The following PCLO variants were observed in gnomAD, a reference collection of about 807,000 sequenced individuals.
PCLO encodes the protein piccolo presynaptic cytomatrix protein.
PCLO carries 82 observed loss-of-function variants against 427.5 expected under a neutral mutation model. The observed-to-expected ratio is 0.19, with a 90% CI of 0.16 to 0.23. PCLO has a LOEUF of 0.23. Ranked by LOEUF, PCLO falls within the 10% of genes least tolerant of loss-of-function variation. PCLO has a pLI of 1.00. For missense variants in PCLO, 6,239 were observed against 6,115.9 expected (o/e 1.02, Z -0.67); for synonymous variants, 2,357 against 2,155.4 (o/e 1.09, Z -2.59).
rs375040816 is a variant in PCLO at position 83,058,502 on chromosome 7, T to C, written c.3300+75748A>G. Among the ~76,000 whole-genome samples, 105 of 152,330 alleles carry C rather than the reference T, an allele frequency of 6.9e-4. 1 individual carries two copies. In the South Asian group the frequency reaches 0.021, roughly 31 times the overall value. The stretch of plus-strand genomic sequence containing the variant: ...AACTATAGACAACAGTAAAATTCTA[T>C]AAATTGTTATGCAATATAACTACCA... On this transcript the variant is annotated intron_variant, in intron 3 of 24. Transcript: ENST00000333891.
intron 3 of PCLO, among the ~76,000 whole-genome samples, chr7:83,007,188 C>T (rs1293732851): frequency 6.6e-6 from 1 of 151,232 alleles, no homozygotes; most frequent in East Asian, 1.9e-4. Context: ...AAAAATTCTC[C>T]AACAGAAAAA....
Position 82,949,501 on chromosome 7 carries a change from G to A in PCLO, c.11087C>T (p.Pro3696Leu). 6.2e-7 allele frequency: 1 copy of A among 1,608,430 alleles called. No individual in the cohort carries two copies. Among genetic ancestry groups the A allele is most frequent in the Non-Finnish European group, 8.5e-7 (1 of 1,177,396 alleles). ...CGTATAGCCCTCGGTATACTGAAAA[G>A]GAGCCCTGGAACTTTCGTCTGCTGT... ...SPTADESSRA[P>L]FQYTEGYTTK... Residue 3696 changes from proline (P) to leucine (L), a missense_variant, in exon 6 of 25, where the codon CCT becomes CTT. Physicochemically the swap from Pro to Leu is moderately conservative, Grantham distance 98. Around this residue, in one of 5 missense-constraint regions of PCLO, gnomAD observed 4,677 missense variants for 4,468.4 expected, o/e 1.05. Transcript: ENST00000333891.
chr7:83,088,001 C>T (rs749134340), intron 3 of PCLO, among the ~76,000 whole-genome samples: 29 of 151,950 alleles, frequency 1.9e-4, no homozygotes, highest in Non-Finnish European at 3.4e-4. Context: ...AAAATATAAT[C>T]GATAAAATGT....
Position 82,915,903 on chromosome 7 carries a change from C to G in PCLO, c.12083G>C (p.Ser4028Thr). ...RSSMASSPISSISADSFYADI... is the reference protein window; with the variant it reads ...RSSMASSPISTISADSFYADI... ...TGCATAGAAAGAATCTGCAGATATG[C>G]TTGATATTGGACTGCTTGCCATGCT... is the stretch of plus-strand genomic sequence containing the variant. Residue 4028 changes from serine to threonine, a missense_variant, in exon 7 of 25, where the codon AGC becomes ACC. Ser to Thr is a moderately conservative substitution (Grantham distance 58). Around this residue, in one of 5 missense-constraint regions of PCLO, gnomAD observed 680 missense variants for 677.3 expected, o/e 1.00. Transcript: ENST00000333891. 4.3e-6 allele frequency: 7 copies of G among 1,613,388 alleles called. No homozygotes were observed. Among genetic ancestry groups the G allele is most frequent in the Non-Finnish European group, 5.9e-6 (7 of 1,179,756 alleles).
intron 3 of PCLO, among the ~76,000 whole-genome samples, chr7:83,109,485 C>T (rs17157193): frequency 8.6e-4 from 131 of 152,232 alleles, no homozygotes; most frequent in African/African-American, 3.1e-3. Flanking sequence ...ATCTCTCTGA[C>T]CTTGATATTA....
At chr7:82,832,754 G>A (rs902521210) in intron 16 of PCLO, among the ~76,000 whole-genome samples, 1 of 149,180 alleles carries the variant, frequency 6.7e-6, no homozygotes, top group African/African-American at 2.5e-5. Context: ...AACATTGAAA[G>A]TATTCATTTT....
chr7:82,926,282 G>T (rs1794710797), intron 6 of PCLO, among the ~76,000 whole-genome samples: 1 of 152,068 alleles, frequency 6.6e-6, no homozygotes, highest in Admixed American at 6.6e-5. Flanking sequence ...ATGGGTCTAT[G>T]TTTGAGGTAT....
Position 82,841,487 on chromosome 7 carries a change from A to G in PCLO, c.14069T>C (p.Val4690Ala), listed in dbSNP as rs1792364029. ...SSKPTDGTKV[V>A]SHPITGEIQL... ...AATTTCTCCTGTAATTGGATGAGAG[A>G]CAACCTTTGTTCCATCGGTAGGCTG... The change falls in exon 14 of 25, where the codon GTC becomes GCC. Residue 4690 changes from valine to alanine, a missense_variant. Val to Ala is a moderately conservative substitution (Grantham distance 64). Around this residue, in one of 5 missense-constraint regions of PCLO, gnomAD observed 877 missense variants for 925.5 expected, o/e 0.95. Transcript: ENST00000333891. The G allele has an allele frequency of 6.3e-7, 1 of 1,597,280 alleles. No individual in the cohort carries two copies. Among genetic ancestry groups the G allele is most frequent in the Non-Finnish European group, 8.6e-7 (1 of 1,165,580 alleles).
chr7:82,990,209 C>T (rs1005027692), intron 3 of PCLO, among the ~76,000 whole-genome samples: 44 of 152,148 alleles, frequency 2.9e-4, no homozygotes, highest in Admixed American at 2.6e-4. Flanking sequence ...TATTGAGGAT[C>T]TAGCAGAGTT....
chr7:83,032,840 G>GT (rs1465827430), intron 3 of PCLO, among the ~76,000 whole-genome samples: 4 of 152,072 alleles, frequency 2.6e-5, no homozygotes, highest in Non-Finnish European at 2.9e-5. Context: ...ATGCAGGTGG[G>GT]TGACAATGAA....
intron 3 of PCLO, among the ~76,000 whole-genome samples, chr7:83,087,035 A>G (rs1382886846): frequency 7.9e-6 from 1 of 126,102 alleles, no homozygotes; most frequent in African/African-American, 3.1e-5. Flanking sequence ...ACTTGGACAC[A>G]GGAAGGGGAA....
chr7:82,892,347 A>G (rs1056166265), intron 9 of PCLO, among the ~76,000 whole-genome samples: 1 of 152,204 alleles, frequency 6.6e-6, no homozygotes, highest in Non-Finnish European at 1.5e-5. Context: ...TATTTAATAA[A>G]TAGTGCTGGG....
chr7:83,026,310 C>T (rs985228179), intron 3 of PCLO, among the ~76,000 whole-genome samples: 4 of 152,046 alleles, frequency 2.6e-5, no homozygotes, highest in Non-Finnish European at 5.9e-5. Context: ...CAATCCCAGT[C>T]TCTGATAAAA....
At chr7:82,949,256 T>TAC (rs369915572) in intron 6 of PCLO, among the ~76,000 whole-genome samples, 6,033 of 149,774 alleles carry the variant, frequency 0.04, 391 homozygotes, top group African/African-American at 0.14. Flanking sequence ...TATGGTTTCC[T>TAC]ACACACACAC....
intron 7 of PCLO, among the ~76,000 whole-genome samples, chr7:82,909,632 T>C (rs1794274467): frequency 6.6e-6 from 1 of 152,138 alleles, no homozygotes; most frequent in Admixed American, 6.6e-5. Context: ...TTGCTGGCTT[T>C]AACATTATTT....
chr7:82,989,932 G>T (rs6415392), intron 3 of PCLO, among the ~76,000 whole-genome samples: 113,823 of 152,080 alleles, frequency 0.75, 43,229 homozygotes, highest in East Asian at 0.92. Flanking sequence ...GCATCACATA[G>T]GGAGTACTTC....
chr7:82,849,202 T>G (rs1414229153), intron 10 of PCLO, among the ~76,000 whole-genome samples: 1 of 152,054 alleles, frequency 6.6e-6, no homozygotes, highest in Non-Finnish European at 1.5e-5. Context: ...CATCCCAAAA[T>G]AAAAGGGCAA....
chr7:82,805,815 G>A lies in PCLO; in HGVS notation c.14806C>T (p.His4936Tyr). Residue 4936 changes from histidine to tyrosine, a missense_variant, in exon 21 of 25, where the codon CAC becomes TAC. Around this residue, in one of 5 missense-constraint regions of PCLO, gnomAD observed 877 missense variants for 925.5 expected, o/e 0.95. Coordinates refer to ENST00000333891, the MANE Select transcript of PCLO (RefSeq NM_033026.6). ...LRIQPTKPPN[H>Y]RPAESSVSTG... ...GACACAGAGCTTTCTGCAGGCCGGT[G>A]ATTGGGAGGCTTTGCTGCATGGTGT... is the stretch of plus-strand genomic sequence containing the variant. 6.2e-7 allele frequency: 1 copy of A among 1,603,408 alleles called. No homozygotes were observed. Among genetic ancestry groups the A allele is most frequent in the Non-Finnish European group, 8.5e-7 (1 of 1,174,786 alleles).
At chr7:82,855,706 C>T (rs756589955) in intron 10 of PCLO, among the ~76,000 whole-genome samples, 5 of 152,052 alleles carry the variant, frequency 3.3e-5, no homozygotes, top group South Asian at 2.1e-4. Context: ...TCCCTTTTCC[C>T]CATCTCACTC....
Sources: allele counts gnomAD v4.1 joint callset (sites outside exome capture counted in the v4.1 genomes callset), GRCh38; gene constraint gnomAD v4.1.1; regional missense constraint gnomAD v4.1.1; transcripts MANE v1.5; gene names NCBI Gene and HGNC (gene_info 2026-07-23, HGNC 2026-07-21).